GPR158: variants seen among roughly 807,000 people sequenced by gnomAD.
GPR158 encodes the protein G protein-coupled receptor 158.
GPR158 carries 30 observed loss-of-function variants against 78.2 expected under a neutral mutation model. That is an observed-to-expected ratio of 0.38 (90% confidence interval 0.29 to 0.52). The LOEUF is 0.52. Ranked by LOEUF, GPR158 falls within the 20% of genes least tolerant of loss-of-function variation. The pLI is 0.83. For missense variants in GPR158, 1,463 were observed against 1,523.5 expected (o/e 0.96, Z 0.66); for synonymous variants, 581 against 591.1 (o/e 0.98, Z 0.25).
chr10:25,570,432 A>G (rs1198907974), intron 6 of GPR158, among the ~76,000 whole-genome samples: 4 of 152,228 alleles, frequency 2.6e-5, no homozygotes, highest in African/African-American at 9.6e-5. Flanking sequence ...TCTCTATAGC[A>G]TAAATCACCA....
chr10:25,384,968 T>C (rs1288269789), intron 2 of GPR158, among the ~76,000 whole-genome samples: 1 of 152,110 alleles, frequency 6.6e-6, no homozygotes, highest in Non-Finnish European at 1.5e-5. Context: ...AATTTAATTG[T>C]GGTAAAAATA....
chr10:25,181,724 A>C (rs1053338837), intron 1 of GPR158, among the ~76,000 whole-genome samples: 14 of 151,970 alleles, frequency 9.2e-5, no homozygotes, highest in African/African-American at 3.4e-4. Flanking sequence ...TATTTTATTT[A>C]TTTCTTTTTT....
chr10:25,557,638 T>C (rs184788236), intron 6 of GPR158, among the ~76,000 whole-genome samples: 1 of 152,332 alleles, frequency 6.6e-6, no homozygotes, highest in African/African-American at 2.4e-5. Flanking sequence ...TACATTTAAC[T>C]TTCAGAAACG....
chr10:25,375,910 T>A (rs775253382), intron 2 of GPR158, among the ~76,000 whole-genome samples: 17 of 151,670 alleles, frequency 1.1e-4, no homozygotes, highest in Non-Finnish European at 2.2e-4. Context: ...AGGTTCCTTA[T>A]GTATACAAAA....
intron 4 of GPR158, among the ~76,000 whole-genome samples, chr10:25,461,121 C>T (rs1318388631): frequency 1.3e-5 from 2 of 152,108 alleles, no homozygotes; most frequent in Non-Finnish European, 2.9e-5. Context: ...TGAAATTAGG[C>T]CAATTAATAA....
At chr10:25,239,285 C>T (rs1048588081) in intron 2 of GPR158, among the ~76,000 whole-genome samples, 3 of 152,092 alleles carry the variant, frequency 2.0e-5, no homozygotes, top group Admixed American at 6.5e-5. Flanking sequence ...CGCAACCAAA[C>T]TCAAGATTGA....
intron 7 of GPR158, 36 bp downstream of exon 7, chr10:25,572,923 AT>A: frequency 8.4e-7 from 1 of 1,191,382 alleles, no homozygotes; most frequent in Non-Finnish European, 1.3e-6. Context: ...TGGTCTTACC[AT>A]TTTTCAGTAG....
chr10:25,506,187 G>A (rs772364464), intron 5 of GPR158, among the ~76,000 whole-genome samples: 9 of 152,168 alleles, frequency 5.9e-5, no homozygotes, highest in Non-Finnish European at 1.2e-4. Context: ...TGACTTCTAT[G>A]CTTCTAAAAG....
chr10:25,223,364 A>G (rs746245471), intron 2 of GPR158, among the ~76,000 whole-genome samples: 5 of 152,088 alleles, frequency 3.3e-5, no homozygotes, highest in Admixed American at 6.6e-5. Context: ...GTCGTGGGCT[A>G]TGCTCAGGAG....
chr10:25,299,637 T>G (rs1854563445), intron 2 of GPR158, among the ~76,000 whole-genome samples: 1 of 152,210 alleles, frequency 6.6e-6, no homozygotes, highest in Non-Finnish European at 1.5e-5. Context: ...TCCATTCATC[T>G]TCTGACACTT....
At chr10:25,516,427 G>A (rs938161408) in intron 5 of GPR158, among the ~76,000 whole-genome samples, 3,762 of 152,006 alleles carry the variant, frequency 0.025, 177 homozygotes, top group African/African-American at 0.085. Flanking sequence ...TTGGTGTTTT[G>A]GACGTGAAGT....
chr10:25,350,342 A>T (rs1224413682), intron 2 of GPR158, among the ~76,000 whole-genome samples: 1 of 152,032 alleles, frequency 6.6e-6, no homozygotes, highest in Non-Finnish European at 1.5e-5. Context: ...TCAGAAGAGG[A>T]CTATTGCAGA....
intron 2 of GPR158, among the ~76,000 whole-genome samples, chr10:25,313,678 T>G (rs1564419080): frequency 1.3e-5 from 2 of 152,206 alleles, no homozygotes; most frequent in African/African-American, 4.8e-5. Flanking sequence ...GTTCTTGGAA[T>G]AAATCTTATT....
intron 2 of GPR158, among the ~76,000 whole-genome samples, chr10:25,294,038 C>G (rs1369895804): frequency 6.6e-6 from 1 of 152,132 alleles, no homozygotes; most frequent in Non-Finnish European, 1.5e-5. Context: ...GCCACTGCGC[C>G]CAACCGAAAC....
intron 6 of GPR158, among the ~76,000 whole-genome samples, chr10:25,557,101 G>A (rs1419405714): frequency 2.0e-5 from 3 of 152,208 alleles, no homozygotes; most frequent in African/African-American, 7.2e-5. Context: ...AATCGAGGAA[G>A]CACTAGTGTG....
At position 25,599,372 on chromosome 10, in the gene GPR158, G is replaced by A. The variant is rs1269593673; in HGVS notation, c.*98G>A. 5.3e-5 allele frequency: 52 copies of A among 972,084 alleles called. No individual in the cohort carries two copies. Among genetic ancestry groups the A allele is most frequent in the Non-Finnish European group, 7.9e-5 (52 of 659,710 alleles). The allele number at this position is 972,084 out of a possible 1,614,324, so 60.2% of individuals were successfully genotyped here. On this transcript the variant is annotated 3_prime_UTR_variant, in exon 11 of 11. Coordinates refer to ENST00000376351, the MANE Select transcript of GPR158 (RefSeq NM_020752.3). ...TTCCCAAGGAGGATTTGTCAATCAA[G>A]GAAAACATGACAGATGGTGAGGTAA...
At chr10:25,300,847 G>A (rs1020675280) in intron 2 of GPR158, among the ~76,000 whole-genome samples, 2 of 152,014 alleles carry the variant, frequency 1.3e-5, no homozygotes, top group African/African-American at 2.4e-5. Flanking sequence ...GGGAAAGAGA[G>A]GGAGAGAGAA....
At chr10:25,294,044 G>A (rs191290810) in intron 2 of GPR158, among the ~76,000 whole-genome samples, 38 of 152,174 alleles carry the variant, frequency 2.5e-4, no homozygotes, top group African/African-American at 8.7e-4. Flanking sequence ...GCGCCCAACC[G>A]AAACCTGTAA....
chr10:25,326,146 G>A (rs1484173601), intron 2 of GPR158, among the ~76,000 whole-genome samples: 1 of 152,080 alleles, frequency 6.6e-6, no homozygotes, highest in Non-Finnish European at 1.5e-5. Flanking sequence ...CTGCCCACAT[G>A]TCCATGTGCT....
Sources: allele counts gnomAD v4.1 joint callset (sites outside exome capture counted in the v4.1 genomes callset), GRCh38; gene constraint gnomAD v4.1.1; transcripts MANE v1.5; gene names NCBI Gene and HGNC (gene_info 2026-07-23, HGNC 2026-07-21).